Variants in RNF170 observed in about 807,000 individuals in gnomAD.
RNF170 encodes E3 ubiquitin-protein ligase RNF170.
Under a neutral mutation model 32.7 loss-of-function variants are expected in RNF170, and 12 were observed. That is an observed-to-expected ratio of 0.37 (90% confidence interval 0.24 to 0.60). The LOEUF (loss-of-function observed/expected upper bound fraction) is 0.60. Ranked by LOEUF, RNF170 falls within the 20% of genes least tolerant of loss-of-function variation. RNF170 has a pLI of 0.72. For missense variants in RNF170, 212 were observed against 311.2 expected (o/e 0.68, Z 2.40); for synonymous variants, 91 against 103.6 (o/e 0.88, Z 0.74).
At chr8:42,890,095 A>G (rs1463434914) in intron 1 of RNF170, among the ~76,000 whole-genome samples, 1 of 152,086 alleles carries the variant, frequency 6.6e-6, no homozygotes, top group East Asian at 1.9e-4. Context: ...ATTTTCCTCT[A>G]TGCTATACAT....
At chr8:42,880,542 C>T (rs567004758) in intron 2 of RNF170, among the ~76,000 whole-genome samples, 9 of 152,172 alleles carry the variant, frequency 5.9e-5, no homozygotes, top group African/African-American at 1.7e-4. Flanking sequence ...GAGGCTGAGG[C>T]GGGCGGATCA....
At chr8:42,857,655 A>C (rs1413041720) in intron 6 of RNF170, among the ~76,000 whole-genome samples, 1 of 152,208 alleles carries the variant, frequency 6.6e-6, no homozygotes, top group Non-Finnish European at 1.5e-5. Flanking sequence ...TTCATCACAT[A>C]CCAGGCTTTC....
chr8:42,884,020 C>T (rs1041465095), intron 2 of RNF170, among the ~76,000 whole-genome samples: 1 of 152,118 alleles, frequency 6.6e-6, no homozygotes, highest in Non-Finnish European at 1.5e-5. Flanking sequence ...CATTTATCTC[C>T]ACCCACTGTT....
At chr8:42,892,191 A>T (rs937165279) in intron 1 of RNF170, among the ~76,000 whole-genome samples, 1 of 152,130 alleles carries the variant, frequency 6.6e-6, no homozygotes, top group Non-Finnish European at 1.5e-5. Flanking sequence ...AATTTTTAAA[A>T]TTTATTTTTT....
At chr8:42,895,303 A>G (rs1272136274) in intron 1 of RNF170, among the ~76,000 whole-genome samples, 2 of 152,122 alleles carry the variant, frequency 1.3e-5, no homozygotes, top group African/African-American at 4.8e-5. Context: ...ACCCTTTCTC[A>G]AAAACCACCA....
downstream of RNF170, chr8:42,850,299 G>A (rs1197084068): frequency 5.6e-6 from 1 of 179,504 alleles, no homozygotes; most frequent in Non-Finnish European, 1.2e-5. Context: ...GGGAAAGGGA[G>A]AGCAGGCTTT....
chr8:42,874,984 C>G (rs1430890267), intron 2 of RNF170, among the ~76,000 whole-genome samples: 2 of 151,868 alleles, frequency 1.3e-5, no homozygotes, highest in Non-Finnish European at 2.9e-5. Flanking sequence ...CCAGCCTGAC[C>G]AACATGGAGA....
downstream of RNF170, chr8:42,849,971 G>C (rs889750623): frequency 7.9e-5 from 12 of 152,316 alleles, no homozygotes; most frequent in African/African-American, 2.7e-4. Flanking sequence ...TGCTCTGTGG[G>C]CTGAGGGAGT....
rs914218125 is a variant in RNF170 at position 42,869,993 on chromosome 8, T to C, written c.322+11A>G. 6.3e-7 allele frequency: 1 copy of C among 1,596,748 alleles called. No homozygotes were observed. Among genetic ancestry groups the C allele is most frequent in the African/African-American group, 1.3e-5 (1 of 74,498 alleles). On this transcript the variant is annotated intron_variant, in intron 4 of 6. Transcript: ENST00000527424. ...CAGTCACTTTTCCCAAGTATAGCGT[T>C]GTTTGCTTACCACAAAAAAGATGTC...
At chr8:42,892,868 T>C (rs1471026122) in intron 1 of RNF170, among the ~76,000 whole-genome samples, 1 of 152,022 alleles carries the variant, frequency 6.6e-6, no homozygotes, top group Non-Finnish European at 1.5e-5. Context: ...ACGCCTGTGA[T>C]CCCAGCTACT....
chr8:42,850,597 T>C (rs369215071), downstream of RNF170: 55 of 674,844 alleles, frequency 8.2e-5, no homozygotes, highest in South Asian at 5.4e-4. Context: ...AAAACTAACA[T>C]TGTCTCTGTT....
At chr8:42,856,556 T>C in intron 6 of RNF170, 128 bp from the exon 7 acceptor site, 1 of 677,224 alleles carries the variant, frequency 1.5e-6, no homozygotes, top group Non-Finnish European at 2.5e-6. Flanking sequence ...ATTGAACATA[T>C]TTTCTAATTA....
chr8:42,862,686 A>G (rs1244994268), intron 5 of RNF170, among the ~76,000 whole-genome samples: 2 of 152,246 alleles, frequency 1.3e-5, no homozygotes, highest in African/African-American at 4.8e-5. Context: ...CAGCTAAAAG[A>G]AGGCGTGACT....
rs1453546260 is a variant in RNF170, at chr8:42,854,640, A to C, written c.*1519T>G. 7 of 1,287,208 alleles carry C rather than the reference A, an allele frequency of 5.4e-6. No individual in the cohort carries two copies. Among genetic ancestry groups the C allele is most frequent in the Non-Finnish European group, 7.1e-6 (7 of 988,676 alleles). The allele number at this position is 1,287,208 out of a possible 1,614,324, so 79.7% of individuals were successfully genotyped here. On this transcript the variant is annotated 3_prime_UTR_variant, in exon 7 of 7. Coordinates refer to ENST00000527424, the MANE Select transcript of RNF170 (RefSeq NM_030954.4). Reference sequence around the variant, plus strand: ...TGGTAGCTGATCTGATTAGCTAGAGAGAATGTGACAGATTTTCTCCTTATC... The same window carrying C: ...TGGTAGCTGATCTGATTAGCTAGAGCGAATGTGACAGATTTTCTCCTTATC...
rs773184120 is a variant in RNF170 at position 42,870,068 on chromosome 8, G to A, written c.258C>T (p.Tyr86=). The A allele has an allele frequency of 3.7e-6, 6 of 1,614,176 alleles. No individual in the cohort carries two copies. The South Asian group carries it at 5.5e-5, about 15-fold the overall frequency. ...ATRQQFYTDM[Y]CPICLHQASF... The stretch of plus-strand genomic sequence containing the variant: ...AGGCTTGGTGCAGGCAGATGGGACA[G>A]TACATGTCAGTGTAGAACTGCTGTC... The change falls in exon 4 of 7, where the codon TAC becomes TAT. Residue 86 remains tyrosine, a synonymous_variant. Transcript: ENST00000527424.
At chr8:42,871,627 A>C (rs1352337466) in intron 3 of RNF170, among the ~76,000 whole-genome samples, 1 of 151,124 alleles carries the variant, frequency 6.6e-6, no homozygotes, top group African/African-American at 2.4e-5. Context: ...GCTGGAGTGC[A>C]GTGGCACAAT....
intron 2 of RNF170, among the ~76,000 whole-genome samples, chr8:42,886,021 G>A (rs1404941287): frequency 3.3e-5 from 5 of 152,088 alleles, no homozygotes; most frequent in South Asian, 2.1e-4. Flanking sequence ...TCAGGAGTTC[G>A]AGACCATCCT....
chr8:42,854,224 G>T lies in RNF170; in HGVS notation c.*1935C>A, dbSNP rs1339668552. The T allele has an allele frequency of 7.8e-7, 1 of 1,287,202 alleles. No individual in the cohort carries two copies. Among genetic ancestry groups the T allele is most frequent in the African/African-American group, 1.5e-5 (1 of 65,900 alleles). The allele number at this position is 1,287,202 out of a possible 1,614,324, so 79.7% of individuals were successfully genotyped here. A position where few individuals can be genotyped will look rare whatever the true frequency, so the allele number is the denominator to read the frequency against. ...GTGCCTAAGCTGTCTTACTCTGATGGAGGTATAATGTAGCACGAAAGACTT... is the reference window on the plus strand; with the variant it reads ...GTGCCTAAGCTGTCTTACTCTGATGTAGGTATAATGTAGCACGAAAGACTT... On this transcript the variant is annotated 3_prime_UTR_variant, in exon 7 of 7. Coordinates refer to ENST00000527424, the MANE Select transcript of RNF170 (RefSeq NM_030954.4).
chr8:42,885,822 G>A (rs1163934136), intron 2 of RNF170, among the ~76,000 whole-genome samples: 2 of 152,076 alleles, frequency 1.3e-5, no homozygotes, highest in Non-Finnish European at 2.9e-5. Context: ...GCAGTGGTAT[G>A]ATCATAGCTC....
Sources: gnomAD v4.1 joint callset for allele counts (sites outside exome capture counted in the v4.1 genomes callset) on GRCh38, gnomAD v4.1.1 for gene constraint, MANE v1.5 for transcripts, NCBI Gene and HGNC (gene_info 2026-07-23, HGNC 2026-07-21) for gene names.